The following PTPN4 variants were observed in gnomAD, a reference collection of about 807,000 sequenced individuals.
PTPN4 encodes the protein tyrosine-protein phosphatase non-receptor type 4.
PTPN4 carries 49 observed loss-of-function variants against 135.5 expected under a neutral mutation model. The ratio of observed to expected loss-of-function variants is 0.36; its 90% CI spans 0.29 to 0.46. PTPN4 has a LOEUF of 0.46. PTPN4 is among the 20% of genes least tolerant of loss of function. The probability of loss-of-function intolerance (pLI) is 1.00; values close to 1 mark genes in which losing one functional copy is unlikely to be tolerated. For missense variants in PTPN4, 860 were observed against 1,101.0 expected (o/e 0.78, Z 3.10); for synonymous variants, 333 against 369.9 (o/e 0.90, Z 1.14).
intron 11 of PTPN4, among the ~76,000 whole-genome samples, chr2:119,917,996 A>G (rs1468324163): frequency 2.0e-5 from 3 of 152,198 alleles, no homozygotes; most frequent in Admixed American, 1.3e-4. Context: ...AAATGGGTGA[A>G]TATGTATGCA....
intron 5 of PTPN4, among the ~76,000 whole-genome samples, chr2:119,878,408 G>A (rs1678017115): frequency 1.3e-5 from 2 of 152,128 alleles, no homozygotes; most frequent in Non-Finnish European, 2.9e-5. Context: ...ATATAGGCCA[G>A]TGACTACATT....
chr2:119,923,190 A>G (rs1441026311), intron 12 of PTPN4, among the ~76,000 whole-genome samples: 3 of 152,098 alleles, frequency 2.0e-5, no homozygotes, highest in Non-Finnish European at 1.5e-5. Context: ...CCTGGGCAAC[A>G]TAGGCAGACC....
chr2:119,839,374 G>T (rs1677346252), intron 2 of PTPN4, among the ~76,000 whole-genome samples: 1 of 152,172 alleles, frequency 6.6e-6, no homozygotes, highest in Admixed American at 6.5e-5. Context: ...AATAATGCAT[G>T]TATAGTATTT....
At chr2:119,938,593 T>C (rs1180112550) in intron 15 of PTPN4, among the ~76,000 whole-genome samples, 2 of 152,200 alleles carry the variant, frequency 1.3e-5, no homozygotes, top group African/African-American at 4.8e-5. Flanking sequence ...ATATAAGCCC[T>C]GATATTTACT....
intron 2 of PTPN4, 113 bp downstream of exon 2, chr2:119,810,104 TA>T (rs1378116899): frequency 4.8e-6 from 6 of 1,261,142 alleles, no homozygotes; most frequent in African/African-American, 1.5e-5. Flanking sequence ...CTTATTCAAG[TA>T]AAAAAGTCTT....
chr2:119,971,685 A>T (rs1679536750), intron 26 of PTPN4, among the ~76,000 whole-genome samples: 1 of 152,162 alleles, frequency 6.6e-6, no homozygotes, highest in South Asian at 2.1e-4. Context: ...AGTCTAGTTT[A>T]TCTGTTTTTC....
chr2:119,890,416 G>A lies in PTPN4; in HGVS notation c.675+4534G>A, dbSNP rs115848883. On this transcript the variant is annotated intron_variant, in intron 9 of 26. Transcript: ENST00000263708. ...GTCTATATGTGTTTTTAATGAAAAA[G>A]TGAGTGTCTTTTAAGCAACATATAG... Among the ~76,000 whole-genome samples, 662 of 152,110 alleles carry A rather than the reference G, an allele frequency of 4.4e-3. 1 individual carries two copies. Among genetic ancestry groups the A allele is most frequent in the Middle Eastern group, 0.024 (7 of 292 alleles).
intron 9 of PTPN4, among the ~76,000 whole-genome samples, chr2:119,888,747 T>C (rs1417721355): frequency 6.6e-6 from 1 of 152,210 alleles, no homozygotes; most frequent in East Asian, 1.9e-4. Flanking sequence ...TTGTTCAAGA[T>C]GTTGGTGTCT....
At position 119,883,016 on chromosome 2, in the gene PTPN4, A is replaced by G. The variant is rs1308250031; in HGVS notation, c.587+393A>G. 3.9e-5 allele frequency among the ~76,000 whole-genome samples: 6 copies of G among 152,284 alleles called. No homozygotes were observed. In the South Asian group the frequency reaches 1.2e-3, roughly 32 times the overall value. On this transcript the variant is annotated intron_variant, in intron 8 of 26. Transcript: ENST00000263708. Reference sequence around the variant, plus strand: ...GAGGAGAACAGGAACTCTATATAATACTGAATTAATTTTTAAAAAATATTT... The same window carrying G: ...GAGGAGAACAGGAACTCTATATAATGCTGAATTAATTTTTAAAAAATATTT...
intron 19 of PTPN4, among the ~76,000 whole-genome samples, chr2:119,952,468 G>A (rs574652191): frequency 6.6e-6 from 1 of 151,994 alleles, no homozygotes; most frequent in African/African-American, 2.4e-5. Context: ...CTTCATTCAG[G>A]TCTCTGCTCA....
At chr2:119,894,636 G>T (rs865851688) in intron 9 of PTPN4, among the ~76,000 whole-genome samples, 4 of 152,070 alleles carry the variant, frequency 2.6e-5, no homozygotes, top group Non-Finnish European at 4.4e-5. Context: ...TATTGGAAAA[G>T]AACATACTGC....
chr2:119,877,468 A>C lies in PTPN4; in HGVS notation c.294A>C (p.Gly98=), dbSNP rs1380027124. 1 of 1,609,496 alleles carries C rather than the reference A, an allele frequency of 6.2e-7. No individual in the cohort carries two copies. Among genetic ancestry groups the C allele is most frequent in the South Asian group, 1.1e-5 (1 of 89,632 alleles). The change falls in exon 5 of 27, where the codon GGA becomes GGC. Residue 98 remains glycine (G), a synonymous_variant. Transcript: ENST00000263708. ...AACTACTTTTATTAATTCTAGGAGGATCTCCTTACAGTTTGAACTTTAGAG... is the reference window on the plus strand; with the variant it reads ...AACTACTTTTATTAATTCTAGGAGGCTCTCCTTACAGTTTGAACTTTAGAG... ...NKPIRKQLKR[G]SPYSLNFRVK...
At chr2:119,776,336 C>T (rs1021078750) in intron 1 of PTPN4, among the ~76,000 whole-genome samples, 20 of 152,188 alleles carry the variant, frequency 1.3e-4, no homozygotes, top group African/African-American at 3.9e-4. Flanking sequence ...CCACCACGCC[C>T]GGCTAATTTT....
chr2:119,784,508 T>TC lies in PTPN4; in HGVS notation c.-18+24127dup, dbSNP rs796763585. On this transcript the variant is annotated intron_variant, in intron 1 of 26. Coordinates refer to ENST00000263708, the MANE Select transcript of PTPN4 (RefSeq NM_002830.4). ...TTCACGCCATTCTCCTGCCTCAGCC[T>TC]CCCGAGTAGCTGGGACTACAGGCGC... Among the ~76,000 whole-genome samples, 345 of 150,402 alleles carry TC rather than the reference T, an allele frequency of 2.3e-3. 4 individuals carry two copies. The highest frequency in any genetic ancestry group is 8.0e-3 in the African/African-American group (326 of 40,920).
At chr2:119,769,174 G>C (rs948033905) in intron 1 of PTPN4, among the ~76,000 whole-genome samples, 1 of 152,218 alleles carries the variant, frequency 6.6e-6, no homozygotes, top group East Asian at 1.9e-4. Context: ...CAGTGAAGAA[G>C]ACTGAAAGAA....
Position 119,896,471 on chromosome 2 carries a change from G to A in PTPN4, c.676-4247G>A, listed in dbSNP as rs60862518. On this transcript the variant is annotated intron_variant, in intron 9 of 26. Transcript: ENST00000263708. ...TAATTTGCTGTCCTCTCTATTTCCT[G>A]CAGATTGGCAGCTTAATCTAGCAGC... 4.9e-3 allele frequency among the ~76,000 whole-genome samples: 748 copies of A among 152,204 alleles called. 6 individuals are homozygous for A. The highest frequency in any genetic ancestry group is 0.017 in the African/African-American group (714 of 41,528).
At chr2:119,844,546 G>C (rs1186855257) in intron 2 of PTPN4, among the ~76,000 whole-genome samples, 1 of 148,614 alleles carries the variant, frequency 6.7e-6, no homozygotes, top group African/African-American at 2.5e-5. Flanking sequence ...CGGGGCGGCC[G>C]GGCAGAGACG....
At chr2:119,903,355 A>T (rs1678436398) in intron 10 of PTPN4, among the ~76,000 whole-genome samples, 1 of 152,042 alleles carries the variant, frequency 6.6e-6, no homozygotes, top group African/African-American at 2.4e-5. Context: ...ACCAGTGATA[A>T]CATCAAGGGC....
intron 2 of PTPN4, among the ~76,000 whole-genome samples, chr2:119,825,792 TGCCAATCCAA>T (rs1677138510): frequency 6.6e-6 from 1 of 152,094 alleles, no homozygotes; most frequent in Non-Finnish European, 1.5e-5. Flanking sequence ...CACCACGCTC[TGCCAATCCAA>T]GCCCTTTGAC....
Sources: allele counts gnomAD v4.1 joint callset (sites outside exome capture counted in the v4.1 genomes callset), GRCh38; gene constraint gnomAD v4.1.1; transcripts MANE v1.5; gene names NCBI Gene and HGNC (gene_info 2026-07-23, HGNC 2026-07-21).